Variants in C12orf42 observed in about 807,000 individuals in gnomAD.
C12orf42 encodes chromosome 12 open reading frame 42.
C12orf42 carries 25 observed loss-of-function variants against 21.6 expected under a neutral mutation model. That is an observed-to-expected ratio of 1.16 (90% confidence interval 0.84 to 1.62). The LOEUF (loss-of-function observed/expected upper bound fraction) is 1.62, where lower values mean the gene tolerates loss of function less well. Among genes scored for constraint, C12orf42 ranks in the 40% most tolerant of loss-of-function variants. The probability of loss-of-function intolerance (pLI) is 0.00; values close to 1 mark genes in which losing one functional copy is unlikely to be tolerated. For missense variants in C12orf42, 483 were observed against 459.3 expected, an observed-to-expected ratio of 1.05 and a Z score of -0.47; for synonymous variants, 174 against 175.0, an observed-to-expected ratio of 0.99 and a Z score of 0.05.
intron 4 of C12orf42, among the ~76,000 whole-genome samples, chr12:103,295,619 C>T (rs2037215005): frequency 6.6e-6 from 1 of 152,092 alleles, no homozygotes; most frequent in African/African-American, 2.4e-5. Flanking sequence ...TAGAGAGGAA[C>T]ATGATGACAC....
At chr12:103,340,382 G>T (rs1252918615) in intron 4 of C12orf42, among the ~76,000 whole-genome samples, 1 of 152,216 alleles carries the variant, frequency 6.6e-6, no homozygotes, top group Non-Finnish European at 1.5e-5. Flanking sequence ...CATAATTCAT[G>T]GGGCACTGGA....
At chr12:103,216,496 G>A in the C12orf42 span, among the ~76,000 whole-genome samples, 4 of 150,586 alleles carry the variant, frequency 2.7e-5, no homozygotes, top group Middle Eastern at 3.2e-3. Context: ...TCAGCCTCCC[G>A]AGTAGCTGGG....
chr12:103,404,736 C>T (rs1241348036), intron 2 of C12orf42, among the ~76,000 whole-genome samples: 3 of 152,026 alleles, frequency 2.0e-5, no homozygotes, highest in South Asian at 2.1e-4. Context: ...AAAAGAAATA[C>T]GGTTACAGCC....
At chr12:103,512,792 A>C in the C12orf42 span, among the ~76,000 whole-genome samples, 1 of 152,082 alleles carries the variant, frequency 6.6e-6, no homozygotes, top group Non-Finnish European at 1.5e-5. Flanking sequence ...TCACGAGGTC[A>C]GGAGATTGAG....
chr12:103,528,723 C>A, the C12orf42 span, among the ~76,000 whole-genome samples: 1 of 152,152 alleles, frequency 6.6e-6, no homozygotes, highest in South Asian at 2.1e-4. Flanking sequence ...AAATCACGAG[C>A]CAAATAAATT....
chr12:103,191,475 G>A, the C12orf42 span, among the ~76,000 whole-genome samples: 2 of 140,712 alleles, frequency 1.4e-5, no homozygotes, highest in Admixed American at 7.8e-5. Flanking sequence ...TGGGATGCTG[G>A]GTCAGGCAGA....
the C12orf42 span, among the ~76,000 whole-genome samples, chr12:103,108,101 C>A: frequency 6.6e-5 from 10 of 150,450 alleles, no homozygotes; most frequent in African/African-American, 2.2e-4. Context: ...CACCTGTTCC[C>A]CAAAAACCTA....
chr12:103,563,777 G>A, the C12orf42 span, among the ~76,000 whole-genome samples: 2,478 of 152,314 alleles, frequency 0.016, 27 homozygotes, highest in Middle Eastern at 0.031. Flanking sequence ...AGCAAGAGTC[G>A]GGCAGAGATT....
the C12orf42 span, among the ~76,000 whole-genome samples, chr12:103,553,173 G>A: frequency 5.8e-4 from 89 of 152,232 alleles, no homozygotes; most frequent in East Asian, 0.014. Context: ...ACTAGATGCC[G>A]GTAGCATTCC....
chr12:103,294,624 GAA>G (rs58864024), intron 4 of C12orf42, among the ~76,000 whole-genome samples: 1 of 139,826 alleles, frequency 7.2e-6, no homozygotes, highest in Non-Finnish European at 1.5e-5. Flanking sequence ...AAGAAAGAAA[GAA>G]AGAAAGAAAG....
chr12:103,049,533 C>A, the C12orf42 span, among the ~76,000 whole-genome samples: 1 of 152,172 alleles, frequency 6.6e-6, no homozygotes, highest in Non-Finnish European at 1.5e-5. Context: ...CAGCAATCAG[C>A]GTGTTCCTGT....
At chr12:103,224,635 G>A in the C12orf42 span, among the ~76,000 whole-genome samples, 4 of 152,192 alleles carry the variant, frequency 2.6e-5, no homozygotes, top group Admixed American at 1.3e-4. Flanking sequence ...AGGAGCCGGG[G>A]AGCAGAAAGT....
At chr12:103,511,474 A>AT in the C12orf42 span, among the ~76,000 whole-genome samples, 1 of 152,048 alleles carries the variant, frequency 6.6e-6, no homozygotes, top group Non-Finnish European at 1.5e-5. Context: ...AAATTGAGGT[A>AT]TAAAAAATGT....
At chr12:103,093,906 A>T in the C12orf42 span, among the ~76,000 whole-genome samples, 11 of 152,112 alleles carry the variant, frequency 7.2e-5, no homozygotes, top group Non-Finnish European at 1.2e-4. Flanking sequence ...CCTTTCACTG[A>T]CTTTGCTAAC....
At chr12:103,284,132 C>A (rs1285563739) in intron 4 of C12orf42, among the ~76,000 whole-genome samples, 1 of 152,158 alleles carries the variant, frequency 6.6e-6, no homozygotes, top group East Asian at 1.9e-4. Flanking sequence ...CTAATTAGGG[C>A]TGTCTCGGAG....
intron 2 of C12orf42, among the ~76,000 whole-genome samples, chr12:103,443,492 T>C (rs1163636750): frequency 1.3e-5 from 2 of 152,092 alleles, no homozygotes; most frequent in African/African-American, 4.8e-5. Context: ...AAACTCCCCA[T>C]TGGAGACTAT....
At chr12:103,160,869 T>C in the C12orf42 span, among the ~76,000 whole-genome samples, 2 of 152,200 alleles carry the variant, frequency 1.3e-5, no homozygotes, top group Non-Finnish European at 2.9e-5. Context: ...ACTTACTGGA[T>C]TTGTGTGAGT....
intron 5 of C12orf42, among the ~76,000 whole-genome samples, chr12:103,304,249 A>G (rs1330134609): frequency 6.6e-6 from 1 of 152,156 alleles, no homozygotes; most frequent in Non-Finnish European, 1.5e-5. Context: ...TTGTTCATTC[A>G]TTTATTAATA....
At chr12:103,435,780 G>A (rs1251806571) in intron 2 of C12orf42, among the ~76,000 whole-genome samples, 2 of 152,178 alleles carry the variant, frequency 1.3e-5, no homozygotes, top group Non-Finnish European at 1.5e-5. Flanking sequence ...TCTGATTGGT[G>A]TACCCGAAAG....
Sources: gnomAD v4.1 joint callset for allele counts (sites outside exome capture counted in the v4.1 genomes callset) on GRCh38, gnomAD v4.1.1 for gene constraint, MANE v1.5 for transcripts, NCBI Gene and HGNC (gene_info 2026-07-23, HGNC 2026-07-21) for gene names.